The following CYP20A1 variants were observed in gnomAD, a reference collection of about 807,000 sequenced individuals.
CYP20A1 encodes the protein cytochrome P450 20A1.
A neutral mutation model predicts 61.4 loss-of-function variants in CYP20A1; 61 were observed. The observed-to-expected ratio is 0.99, with a 90% CI of 0.81 to 1.23. The LOEUF is 1.23. CYP20A1 is among the 50% of genes most tolerant of loss of function. The pLI is 0.00. For synonymous variants in CYP20A1, 193 were observed against 188.2 expected, an observed-to-expected ratio of 1.03 and a Z score of -0.21; for missense variants, 530 against 542.4, an observed-to-expected ratio of 0.98 and a Z score of 0.23.
chr2:203,285,626 A>G lies in CYP20A1; in HGVS notation c.865A>G (p.Ile289Val). ...IITAKLCTWA[I>V]CFLTTSEEVQ... The stretch of plus-strand genomic sequence containing the variant: ...GTTTGACCTAGTGTGTACCTGGGCA[A>G]TCTGTTTTTTAACCACCTCTGAAGA... Residue 289 changes from isoleucine (I) to valine (V), a missense_variant, in exon 9 of 13, where the codon ATC (isoleucine) becomes GTC (valine). Ile to Val is a conservative substitution (Grantham distance 29). Coordinates refer to ENST00000356079, the MANE Select transcript of CYP20A1 (RefSeq NM_177538.3). The G allele has an allele frequency of 6.3e-7, 1 of 1,590,880 alleles. No homozygotes were observed. The highest frequency in any genetic ancestry group is 8.5e-7 in the Non-Finnish European group (1 of 1,174,290).
chr2:203,285,470 G>A (rs986290321), intron 8 of CYP20A1, 142 bp from the exon 9 acceptor site: 29 of 844,096 alleles, frequency 3.4e-5, no homozygotes, highest in Admixed American at 2.6e-4. Context: ...TTACTTTTTA[G>A]TAGCACTTAT....
chr2:203,256,126 G>A (rs2066884121), intron 4 of CYP20A1, among the ~76,000 whole-genome samples: 1 of 148,538 alleles, frequency 6.7e-6, no homozygotes, highest in South Asian at 2.2e-4. Flanking sequence ...ACCATGCCTG[G>A]CTAGTTGTTT....
chr2:203,257,948 C>A (rs2066964539), intron 4 of CYP20A1, among the ~76,000 whole-genome samples: 4 of 152,208 alleles, frequency 2.6e-5, no homozygotes, highest in Admixed American at 6.5e-5. Context: ...GTTGCCTGGG[C>A]TCAAGTGCAG....
intron 4 of CYP20A1, among the ~76,000 whole-genome samples, chr2:203,258,644 G>A (rs889000102): frequency 6.6e-6 from 1 of 152,178 alleles, no homozygotes; most frequent in Non-Finnish European, 1.5e-5. Context: ...CTGATAGCCA[G>A]TATTCTCAGG....
At chr2:203,245,753 G>A (rs1575165415) in intron 1 of CYP20A1, 93 bp from the exon 2 acceptor site, 1 of 612,890 alleles carries the variant, frequency 1.6e-6, no homozygotes, top group East Asian at 3.1e-5. Context: ...TAATTGGAAA[G>A]CTATTATTTA....
At chr2:203,271,021 A>G (rs2067545235) in intron 5 of CYP20A1, among the ~76,000 whole-genome samples, 1 of 123,174 alleles carries the variant, frequency 8.1e-6, no homozygotes, top group East Asian at 2.3e-4. Context: ...TAGTTTTAAT[A>G]GTTTGAGTGT....
Position 203,251,161 on chromosome 2 carries a change from G to T in CYP20A1, c.290-806G>T, listed in dbSNP as rs371608342. Among the ~76,000 whole-genome samples the T allele has an allele frequency of 3.5e-5, 5 of 143,608 alleles. No individual in the cohort carries two copies. In the South Asian group the frequency reaches 6.9e-4, roughly 20 times the overall value. The allele number at this position is 143,608 out of a possible 152,430, so 94.2% of individuals were successfully genotyped here. A position where few individuals can be genotyped will look rare whatever the true frequency, so the allele number is the denominator to read the frequency against. On this transcript the variant is annotated intron_variant, in intron 3 of 12. Coordinates refer to ENST00000356079, the MANE Select transcript of CYP20A1 (RefSeq NM_177538.3). ...TGCATTTTGCTGTCTTTTCTGTATT[G>T]TTTGAATTGTTTTTACAATGACAGT...
chr2:203,286,220 T>G (rs2152103386), intron 9 of CYP20A1, among the ~76,000 whole-genome samples: 1 of 152,204 alleles, frequency 6.6e-6, no homozygotes, highest in South Asian at 2.1e-4. Flanking sequence ...GCTCAGGAGG[T>G]CGAGGCTACA....
At chr2:203,269,700 G>A (rs2067484919) in intron 5 of CYP20A1, among the ~76,000 whole-genome samples, 1 of 151,854 alleles carries the variant, frequency 6.6e-6, no homozygotes, top group Admixed American at 6.6e-5. Context: ...TCACCATGCT[G>A]ACCAGCTGGT....
At chr2:203,292,450 T>G in intron 11 of CYP20A1, 124 bp downstream of exon 11, 1 of 676,858 alleles carries the variant, frequency 1.5e-6, no homozygotes, top group Non-Finnish European at 2.7e-6. Flanking sequence ...AGAAAACTAG[T>G]GAATCCCCTT....
intron 1 of CYP20A1, among the ~76,000 whole-genome samples, chr2:203,241,771 C>G (rs2066262842): frequency 1.3e-5 from 2 of 152,222 alleles, no homozygotes; most frequent in Admixed American, 1.3e-4. Context: ...CCCAGGCGAT[C>G]CTCGCACCTT....
chr2:203,243,179 C>G (rs935288404), intron 1 of CYP20A1, among the ~76,000 whole-genome samples: 1 of 152,130 alleles, frequency 6.6e-6, no homozygotes, highest in Non-Finnish European at 1.5e-5. Flanking sequence ...ACTGTGTCAC[C>G]CAGGCTGGGG....
intron 5 of CYP20A1, among the ~76,000 whole-genome samples, chr2:203,268,590 ATTTGTTTTTTTT>A (rs2067428546): frequency 6.7e-6 from 1 of 148,722 alleles, no homozygotes; most frequent in African/African-American, 2.4e-5. Context: ...TCCTCAAATT[ATTTGTTTTTTTT>A]TTTGTTTGTT....
intron 1 of CYP20A1, among the ~76,000 whole-genome samples, chr2:203,239,702 G>T (rs1467454459): frequency 2.6e-5 from 4 of 152,212 alleles, no homozygotes; most frequent in Non-Finnish European, 5.9e-5. Flanking sequence ...GCGCCGCGCT[G>T]CGGGTTCGGG....
intron 5 of CYP20A1, among the ~76,000 whole-genome samples, chr2:203,271,073 TATA>T (rs2067564206): frequency 1.8e-4 from 14 of 78,870 alleles, no homozygotes; most frequent in African/African-American, 3.4e-4. Context: ...TATATATATA[TATA>T]TATATATTTT....
chr2:203,253,364 C>A (rs896904849), intron 4 of CYP20A1, among the ~76,000 whole-genome samples: 1 of 152,294 alleles, frequency 6.6e-6, no homozygotes, highest in South Asian at 2.1e-4. Context: ...ACAGGTCTCC[C>A]CTGGCCCAGG....
rs2069081988 is a variant in CYP20A1, at chr2:203,302,996, CTTTT to C, written c.*6090_*6093del. On this transcript the variant is annotated 3_prime_UTR_variant, in exon 13 of 13. Transcript: ENST00000356079. ...ATGAGCCACCGCGCTCGGTCCCTTT[CTTTT>C]TATTTATTTATTTATTTTGAGATGG... 6.6e-6 allele frequency among the ~76,000 whole-genome samples: 1 copy of C among 150,622 alleles called. No individual in the cohort carries two copies. The highest frequency in any genetic ancestry group is 2.4e-5 in the African/African-American group (1 of 40,986).
At chr2:203,248,031 G>C (rs777735085) in intron 3 of CYP20A1, among the ~76,000 whole-genome samples, 1 of 152,056 alleles carries the variant, frequency 6.6e-6, no homozygotes, top group African/African-American at 2.4e-5. Flanking sequence ...TTCAAGACCA[G>C]TCTGGGCAAC....
chr2:203,247,055 G>T lies in CYP20A1; in HGVS notation c.289+134G>T, dbSNP rs2066487227. On this transcript the variant is annotated intron_variant, in intron 3 of 12. Transcript: ENST00000356079. ...GCAGGTGGATCACATGAGGCCAGGA[G>T]TTCGAGACCAGCCTGGCCAACATGG... The T allele has an allele frequency of 7.9e-6, 6 of 755,136 alleles. No individual in the cohort carries two copies. The South Asian group carries it at 9.4e-5, about 12-fold the overall frequency. 46.8% of individuals were successfully genotyped at this position (755,136 alleles called of 1,614,324 possible).
Sources: gnomAD v4.1 joint callset for allele counts (sites outside exome capture counted in the v4.1 genomes callset) on GRCh38, gnomAD v4.1.1 for gene constraint, MANE v1.5 for transcripts, NCBI Gene and HGNC (gene_info 2026-07-23, HGNC 2026-07-21) for gene names.